Variants in ALKAL1 observed in about 807,000 individuals in gnomAD.
The protein encoded by ALKAL1 is AUG-beta.
A neutral mutation model predicts 13.5 loss-of-function variants in ALKAL1; 23 were observed. The ratio of observed to expected loss-of-function variants is 1.70; its 90% CI spans 1.23 to 2.41. The LOEUF is 2.41. Ranked by LOEUF, ALKAL1 falls within the 30% of genes most tolerant of loss-of-function variation. The pLI, the probability that ALKAL1 is intolerant of heterozygous loss-of-function variation, is 0.00. For synonymous variants in ALKAL1, 85 were observed against 77.7 expected (o/e 1.09, Z -0.49); for missense variants, 181 against 178.4 (o/e 1.01, Z -0.08).
intron 1 of ALKAL1, among the ~76,000 whole-genome samples, chr8:52,562,946 G>A (rs567011191): frequency 1.3e-5 from 2 of 152,288 alleles, no homozygotes; most frequent in Admixed American, 6.5e-5. Flanking sequence ...CCATGTGCAA[G>A]TACTCCATTC....
chr8:52,545,882 G>A (rs1485361755), intron 1 of ALKAL1, among the ~76,000 whole-genome samples: 3 of 152,208 alleles, frequency 2.0e-5, no homozygotes, highest in African/African-American at 7.2e-5. Flanking sequence ...TGCATCGTTA[G>A]GAGATTCCTC....
intron 4 of ALKAL1, among the ~76,000 whole-genome samples, chr8:52,537,547 A>G (rs1847275609): frequency 6.6e-6 from 1 of 152,212 alleles, no homozygotes; most frequent in African/African-American, 2.4e-5. Flanking sequence ...AGTACTATCC[A>G]CAATAGCCAA....
At chr8:52,551,188 C>T (rs1847424142) in intron 1 of ALKAL1, among the ~76,000 whole-genome samples, 1 of 152,078 alleles carries the variant, frequency 6.6e-6, no homozygotes, top group African/African-American at 2.4e-5. Flanking sequence ...TTATTACAAC[C>T]TCCTGTGAAA....
At position 52,539,896 on chromosome 8, in the gene ALKAL1, G is replaced by A. The variant is rs763234408; in HGVS notation, c.260C>T (p.Ser87Leu). 3.1e-6 allele frequency: 5 copies of A among 1,613,458 alleles called. No individual in the cohort carries two copies. In the East Asian group the frequency reaches 8.9e-5, roughly 29 times the overall value. Residue 87 changes from serine to leucine, a missense_variant, in exon 3 of 5, where the codon TCA (serine) becomes TTA (leucine). Physicochemically the swap from Ser to Leu is moderately radical, Grantham distance 145 (BLOSUM62 -2). Transcript: ENST00000358543. ...IKHFTGPVTF[S>L]PECSKHFHRL... is the part of the protein sequence containing the mutation. ...GTGGAAATGTTTGCTGCATTCTGGT[G>A]AAAATGTGACCGGCCCTAGAGCACA...
chr8:52,540,461 C>T (rs890761607), intron 2 of ALKAL1, among the ~76,000 whole-genome samples: 2 of 152,218 alleles, frequency 1.3e-5, no homozygotes, highest in East Asian at 1.9e-4. Flanking sequence ...CCGGATGGCT[C>T]GTGTCTGTAA....
At chr8:52,557,492 A>T (rs1040285164) in intron 1 of ALKAL1, among the ~76,000 whole-genome samples, 4 of 152,000 alleles carry the variant, frequency 2.6e-5, no homozygotes, top group Admixed American at 2.0e-4. Flanking sequence ...AGAAATAATC[A>T]CCTTTTGGGG....
intron 1 of ALKAL1, among the ~76,000 whole-genome samples, chr8:52,556,557 G>A (rs914956437): frequency 3.6e-5 from 5 of 140,496 alleles, no homozygotes; most frequent in African/African-American, 1.3e-4. Flanking sequence ...TGAGGCAGGA[G>A]AATGGCGTGA....
chr8:52,537,728 T>C (rs1374412966), intron 4 of ALKAL1, among the ~76,000 whole-genome samples: 2 of 151,330 alleles, frequency 1.3e-5, no homozygotes, highest in East Asian at 3.9e-4. Flanking sequence ...CACAGAAAGA[T>C]AAATATTCTC....
chr8:52,552,733 T>C (rs1213867570), intron 1 of ALKAL1, among the ~76,000 whole-genome samples: 11 of 152,216 alleles, frequency 7.2e-5, no homozygotes, highest in African/African-American at 2.2e-4. Context: ...CATTAGTAAG[T>C]TTTTGTTGTT....
intron 1 of ALKAL1, among the ~76,000 whole-genome samples, chr8:52,557,009 T>C (rs1008696173): frequency 6.6e-6 from 1 of 152,230 alleles, no homozygotes; most frequent in Non-Finnish European, 1.5e-5. Flanking sequence ...TTTTCAAATC[T>C]ATTAGAAATC....
At chr8:52,541,305 T>C (rs759626774) in intron 2 of ALKAL1, among the ~76,000 whole-genome samples, 8 of 151,916 alleles carry the variant, frequency 5.3e-5, no homozygotes, top group African/African-American at 1.7e-4. Context: ...TGAGACCCCA[T>C]ATCTAGAGAA....
chr8:52,553,985 A>G (rs1227399093), intron 1 of ALKAL1, among the ~76,000 whole-genome samples: 1 of 152,228 alleles, frequency 6.6e-6, no homozygotes, highest in African/African-American at 2.4e-5. Context: ...GCATTTTGGG[A>G]GGCCGAGGCG....
At chr8:52,541,540 G>A (rs1158545524) in intron 2 of ALKAL1, among the ~76,000 whole-genome samples, 2 of 152,148 alleles carry the variant, frequency 1.3e-5, no homozygotes, top group South Asian at 2.1e-4. Context: ...AGCCAAAGCA[G>A]GTGGATCACT....
At chr8:52,555,463 G>C (rs1301728459) in intron 1 of ALKAL1, among the ~76,000 whole-genome samples, 1 of 152,092 alleles carries the variant, frequency 6.6e-6, no homozygotes, top group African/African-American at 2.4e-5. Flanking sequence ...GGAAGGAAAC[G>C]GTCAAGATTG....
intron 1 of ALKAL1, among the ~76,000 whole-genome samples, chr8:52,544,588 A>G (rs1847348369): frequency 6.6e-6 from 1 of 152,108 alleles, no homozygotes; most frequent in Non-Finnish European, 1.5e-5. Context: ...TTTTCAAAAG[A>G]CCGTTGAGGG....
chr8:52,563,139 C>A (rs979011787), intron 1 of ALKAL1, among the ~76,000 whole-genome samples: 1 of 152,190 alleles, frequency 6.6e-6, no homozygotes, highest in South Asian at 2.1e-4. Flanking sequence ...TAACTATGGC[C>A]GGGCATAGTG....
intron 4 of ALKAL1, among the ~76,000 whole-genome samples, chr8:52,538,162 T>A (rs1015201798): frequency 2.0e-5 from 3 of 151,082 alleles, no homozygotes; most frequent in Admixed American, 2.0e-4. Flanking sequence ...CAGCGAGACA[T>A]GAGGAACGGG....
Position 52,534,135 on chromosome 8 carries a change from A to G in ALKAL1, c.*478T>C, listed in dbSNP as rs1315143335. Reference sequence around the variant, plus strand: ...TCAAATTAATGCAAGTGAAGACAACAAGTTCTAAATAAATGTATTTAAATA... The same window carrying G: ...TCAAATTAATGCAAGTGAAGACAACGAGTTCTAAATAAATGTATTTAAATA... On this transcript the variant is annotated 3_prime_UTR_variant, in exon 5 of 5. Transcript: ENST00000358543. 6.6e-6 allele frequency: 1 copy of G among 152,020 alleles called. No individual in the cohort carries two copies. Among genetic ancestry groups the G allele is most frequent in the African/African-American group, 2.4e-5 (1 of 41,292 alleles). 9.4% of individuals were successfully genotyped at this position (152,020 alleles called of 1,614,324 possible). A position where few individuals can be genotyped will look rare whatever the true frequency, so the allele number is the denominator to read the frequency against.
intron 4 of ALKAL1, among the ~76,000 whole-genome samples, chr8:52,535,639 A>G (rs184169807): frequency 4.5e-4 from 68 of 152,022 alleles, no homozygotes; most frequent in African/African-American, 1.6e-3. Flanking sequence ...TGAATTAAGT[A>G]TCTTGCCACT....
Sources: gnomAD v4.1 joint callset for allele counts (sites outside exome capture counted in the v4.1 genomes callset) on GRCh38, gnomAD v4.1.1 for gene constraint, MANE v1.5 for transcripts, NCBI Gene and HGNC (gene_info 2026-07-23, HGNC 2026-07-21) for gene names.